The following COL24A1 variants were observed in gnomAD, a reference collection of about 807,000 sequenced individuals.
COL24A1 encodes the protein collagen type XXIV alpha 1 chain, also known as collagen alpha-1(XXIV) chain.
In COL24A1, 224 loss-of-function variants were observed where a neutral mutation model predicts 253.9. The observed-to-expected ratio is 0.88, with a 90% CI of 0.79 to 0.99. COL24A1 has a LOEUF of 0.99. Among genes scored for constraint, COL24A1 ranks in the 50% least tolerant of loss-of-function variants. The probability of loss-of-function intolerance (pLI) is 0.00; values close to 1 mark genes in which losing one functional copy is unlikely to be tolerated. For synonymous variants in COL24A1, 685 were observed against 673.7 expected (o/e 1.02, Z -0.26); for missense variants, 2,131 against 2,068.5 (o/e 1.03, Z -0.59).
Position 85,909,973 on chromosome 1 carries a change from G to A in COL24A1, c.2647C>T (p.Pro883Ser), listed in dbSNP as rs1685208361. ...GERGSPGPLG[P>S]QGEKGVMGYP... ...ACCATAACACCTTTTTCTCCCTGCG[G>A]ACCTAGTGGGCCTGGACTTCCACGT... Residue 883 changes from proline (P) to serine (S), a missense_variant, in exon 26 of 60, where the codon CCG (proline) becomes TCG (serine). Coordinates refer to ENST00000370571, the MANE Select transcript of COL24A1 (RefSeq NM_152890.7). The A allele has an allele frequency of 4.3e-6, 7 of 1,610,082 alleles. No homozygotes were observed. The highest frequency in any genetic ancestry group is 5.9e-6 in the Non-Finnish European group (7 of 1,176,912).
intron 31 of COL24A1, 149 bp from the exon 32 acceptor site, chr1:85,889,762 C>T (rs1682913864): frequency 4.3e-6 from 3 of 691,404 alleles, no homozygotes; most frequent in South Asian, 1.7e-5. Flanking sequence ...TGGTAAGATA[C>T]ACACAACATA....
At chr1:85,795,626 T>A (rs925193527) in intron 47 of COL24A1, among the ~76,000 whole-genome samples, 45 of 152,144 alleles carry the variant, frequency 3.0e-4, no homozygotes, top group Non-Finnish European at 6.0e-4. Flanking sequence ...AAGTACTACC[T>A]TAACATTTTT....
At chr1:85,839,493 A>G (rs1401968424) in intron 42 of COL24A1, among the ~76,000 whole-genome samples, 2 of 151,474 alleles carry the variant, frequency 1.3e-5, no homozygotes, top group Non-Finnish European at 1.5e-5. Context: ...GGAGGCTGAG[A>G]TAGGAGGATC....
intron 24 of COL24A1, among the ~76,000 whole-genome samples, chr1:85,935,930 A>G (rs1247592436): frequency 6.8e-6 from 1 of 147,610 alleles, no homozygotes; most frequent in Non-Finnish European, 1.5e-5. Context: ...CTTAGCAGAG[A>G]GGCCTATATC....
chr1:85,745,334 T>C lies in COL24A1; in HGVS notation c.4503+107A>G, dbSNP rs529662562. ...ATGGTTTCACATTTTCAATCTGTTTTAAATACAATCTTTGAGATAATGTCA... is the reference window on the plus strand; with the variant it reads ...ATGGTTTCACATTTTCAATCTGTTTCAAATACAATCTTTGAGATAATGTCA... On this transcript the variant is annotated intron_variant, in intron 56 of 59. Coordinates refer to ENST00000370571, the MANE Select transcript of COL24A1 (RefSeq NM_152890.7). The C allele has an allele frequency of 8.6e-5, 54 of 624,908 alleles. No individual in the cohort carries two copies. The African/African-American group carries it at 9.6e-4, about 11-fold the overall frequency. 38.7% of individuals were successfully genotyped at this position (624,908 alleles called of 1,614,324 possible). A position where few individuals can be genotyped will look rare whatever the true frequency, so the allele number is the denominator to read the frequency against.
chr1:85,823,007 A>C (rs1284730798), intron 45 of COL24A1, among the ~76,000 whole-genome samples: 1 of 151,996 alleles, frequency 6.6e-6, no homozygotes, highest in Non-Finnish European at 1.5e-5. Flanking sequence ...CTTTGTTATA[A>C]ATTCCTACTT....
Position 86,156,371 on chromosome 1 carries a change from C to T in COL24A1, c.26G>A (p.Arg9Lys), listed in dbSNP as rs762827642. Residue 9 changes from arginine (R) to lysine (K), a missense_variant, in exon 1 of 60, where the codon AGG becomes AAG. Arg to Lys is a conservative substitution (Grantham distance 26, BLOSUM62 2). Transcript: ENST00000370571. ...TGCCGTGGGGGAGACTTTTCCACGC[C>T]TTGTTCTGTGGGCTCTTAAATGCAT... is the stretch of plus-strand genomic sequence containing the variant. Reference protein sequence around the residue: MHLRAHRTRRGKVSPTAKT... With the variant: MHLRAHRTKRGKVSPTAKT... 2 of 1,612,970 alleles carry T rather than the reference C, an allele frequency of 1.2e-6. No individual in the cohort carries two copies. The highest frequency in any genetic ancestry group is 2.2e-5 in the East Asian group (1 of 44,790).
At chr1:85,894,008 C>T (rs1683397528) in intron 31 of COL24A1, among the ~76,000 whole-genome samples, 1 of 152,186 alleles carries the variant, frequency 6.6e-6, no homozygotes, top group African/African-American at 2.4e-5. Context: ...ACAATCTGAC[C>T]TCGAATTTAT....
chr1:86,043,452 T>C (rs1048470442), intron 12 of COL24A1, among the ~76,000 whole-genome samples: 5 of 151,868 alleles, frequency 3.3e-5, no homozygotes, highest in Non-Finnish European at 7.4e-5. Flanking sequence ...CTACTAATGA[T>C]AGTAAATGAA....
At chr1:85,838,935 C>T (rs1300307840) in intron 42 of COL24A1, among the ~76,000 whole-genome samples, 1 of 152,188 alleles carries the variant, frequency 6.6e-6, no homozygotes, top group East Asian at 1.9e-4. Flanking sequence ...TGTGGTGGCT[C>T]ACACCTGTAG....
intron 25 of COL24A1, 69 bp from the exon 26 acceptor site, chr1:85,910,072 A>G (rs1409823441): frequency 1.6e-6 from 2 of 1,240,768 alleles, no homozygotes; most frequent in African/African-American, 1.5e-5. Context: ...AGCTAAGCCT[A>G]GAAAGAAAAA....
At chr1:86,078,055 A>G (rs1232098897) in intron 7 of COL24A1, among the ~76,000 whole-genome samples, 1 of 152,168 alleles carries the variant, frequency 6.6e-6, no homozygotes, top group Non-Finnish European at 1.5e-5. Flanking sequence ...TCCTCAACAA[A>G]ATACTCACAA....
Position 86,063,756 on chromosome 1 carries a change from G to C in COL24A1, c.1711C>G (p.Leu571Val). 2 of 1,543,162 alleles carry C rather than the reference G, an allele frequency of 1.3e-6. No individual in the cohort carries two copies. Among genetic ancestry groups the C allele is most frequent in the Non-Finnish European group, 1.7e-6 (2 of 1,144,114 alleles). Residue 571 changes from leucine to valine, a missense_variant, in exon 8 of 60, where the codon CTC (leucine) becomes GTC (valine). Coordinates refer to ENST00000370571, the MANE Select transcript of COL24A1 (RefSeq NM_152890.7). ...GPPGMQGDKG[L>V]KGHPGLPGLP... Reference sequence around the variant, plus strand: ...CCTGGGAGTCCAGGATGTCCTTTGAGACCCTGTAAAAGAATAAGTGGAGAC... The same window carrying C: ...CCTGGGAGTCCAGGATGTCCTTTGACACCCTGTAAAAGAATAAGTGGAGAC...
Position 85,868,792 on chromosome 1 carries a change from T to A in COL24A1, c.3182A>T (p.Asp1061Val). Residue 1061 changes from aspartate to valine, a missense_variant, in exon 36 of 60, where the codon GAT becomes GTT. Asp to Val is a radical substitution (Grantham distance 152, BLOSUM62 -3). Transcript: ENST00000370571. ...AAAAGTATAATTTACCTTTAACCCA[T>A]CTTTTCCCTGGAGACCTTCTTCTCC... ...APGEEGLQGK[D>V]GLKGVPGGRG... 1 of 1,582,478 alleles carries A rather than the reference T, an allele frequency of 6.3e-7. No homozygotes were observed. Among genetic ancestry groups the A allele is most frequent in the South Asian group, 1.2e-5 (1 of 85,188 alleles).
intron 42 of COL24A1, among the ~76,000 whole-genome samples, chr1:85,840,578 T>C (rs1328751654): frequency 1.3e-5 from 2 of 152,136 alleles, no homozygotes; most frequent in African/African-American, 2.4e-5. Flanking sequence ...ATAATATTTA[T>C]TTCTATGGAC....
intron 1 of COL24A1, among the ~76,000 whole-genome samples, chr1:86,152,088 C>T (rs566312805): frequency 6.6e-6 from 1 of 152,214 alleles, no homozygotes; most frequent in Admixed American, 6.5e-5. Flanking sequence ...CTCAAAATAA[C>T]TGAAAAAAGA....
intron 45 of COL24A1, among the ~76,000 whole-genome samples, chr1:85,820,453 C>A (rs1207123671): frequency 6.6e-6 from 1 of 152,128 alleles, no homozygotes; most frequent in Non-Finnish European, 1.5e-5. Context: ...CAAATAGCTG[C>A]ACATGCCAGC....
intron 10 of COL24A1, among the ~76,000 whole-genome samples, chr1:86,054,494 T>C (rs911678712): frequency 6.6e-6 from 1 of 151,892 alleles, no homozygotes; most frequent in Non-Finnish European, 1.5e-5. Context: ...AGGACATGAA[T>C]AGACACTTCT....
In COL24A1 at chr1:85,745,451, AG is replaced by A; in HGVS notation, c.4492del (p.Leu1498TyrfsTer11). The A allele has an allele frequency of 6.2e-7, 1 of 1,607,372 alleles. No individual in the cohort carries two copies. ...IQALIESNTALQMESYQNTEV... is the reference protein window; with the variant it reads ...IQALIESNTAXQMESYQNTEV... ...AACCAGATATGTTACCTCCATCTGT[AG>A]GGCAGTATTTGATTCAATCAAGGCT... is the stretch of plus-strand genomic sequence containing the variant. On this transcript the variant is annotated frameshift_variant, in exon 56 of 60. Transcript: ENST00000370571. LOFTEE classifies it high-confidence loss of function.
Sources: gnomAD v4.1 joint callset for allele counts (sites outside exome capture counted in the v4.1 genomes callset) on GRCh38, gnomAD v4.1.1 for gene constraint, MANE v1.5 for transcripts, NCBI Gene and HGNC (gene_info 2026-07-23, HGNC 2026-07-21) for gene names.